Variants in GNAO1 observed in about 807,000 individuals in gnomAD.
GNAO1 encodes the protein G protein subunit alpha o1, also known as guanine nucleotide-binding protein G(o) subunit alpha.
For missense variants in GNAO1, 166 were observed against 478.7 expected, an observed-to-expected ratio of 0.35 and a Z score of 6.10; for synonymous variants, 164 against 180.7, an observed-to-expected ratio of 0.91 and a Z score of 0.74.
intron 2 of GNAO1, chr16:56,235,205 A>AT (rs1182529871): frequency 2.4e-6 from 1 of 409,290 alleles, no homozygotes; most frequent in African/African-American, 2.1e-5. Context: ...GTCTTCTAGC[A>AT]TTTGACTCCC....
chr16:56,221,759 G>A (rs534245504), intron 2 of GNAO1, among the ~76,000 whole-genome samples: 6 of 152,114 alleles, frequency 3.9e-5, no homozygotes, highest in African/African-American at 9.6e-5. Flanking sequence ...CTTGTACCAC[G>A]GGGTACAAGG....
At chr16:56,347,352 C>G (rs565273923) in intron 6 of GNAO1, 3 of 985,526 alleles carry the variant, frequency 3.0e-6, no homozygotes, top group Admixed American at 1.2e-4. Flanking sequence ...GCTGTCAGGC[C>G]GCAAGCCTAG....
At chr16:56,275,270 T>TGGCTC (rs1321496392) in intron 2 of GNAO1, among the ~76,000 whole-genome samples, 1 of 152,254 alleles carries the variant, frequency 6.6e-6, no homozygotes, top group Non-Finnish European at 1.5e-5. Context: ...TGAGCACATG[T>TGGCTC]TGAGTGGCTA....
chr16:56,294,574 A>T lies in GNAO1; in HGVS notation c.303+18502A>T, dbSNP rs1169995711. Reference sequence around the variant, plus strand: ...GACTCTTATGAATAATGCTGCCAGAACATTGATGTACAAGTTTTTGTGGGG... The same window carrying T: ...GACTCTTATGAATAATGCTGCCAGATCATTGATGTACAAGTTTTTGTGGGG... On this transcript the variant is annotated intron_variant, in intron 3 of 8. Transcript: ENST00000262493. Among the ~76,000 whole-genome samples the T allele has an allele frequency of 2.6e-5, 4 of 152,192 alleles. No individual in the cohort carries two copies. The South Asian group carries it at 8.3e-4, about 31-fold the overall frequency.
Position 56,309,274 on chromosome 16 carries a change from A to G in GNAO1, c.304-19357A>G, listed in dbSNP as rs959288899. Reference sequence around the variant, plus strand: ...AGAACAGAGCCCCTGGGCTCCCTGCAACTGTGTCCGGGATATTTGAGGTGA... The same window carrying G: ...AGAACAGAGCCCCTGGGCTCCCTGCGACTGTGTCCGGGATATTTGAGGTGA... On this transcript the variant is annotated intron_variant, in intron 3 of 8. Coordinates refer to ENST00000262493, the MANE Select transcript of GNAO1 (RefSeq NM_020988.3). 6.6e-5 allele frequency among the ~76,000 whole-genome samples: 10 copies of G among 152,190 alleles called. 1 individual carries two copies. The highest frequency in any genetic ancestry group is 1.5e-4 in the Non-Finnish European group (10 of 68,030).
chr16:56,249,723 G>A (rs1289080411), intron 2 of GNAO1, among the ~76,000 whole-genome samples: 1 of 152,188 alleles, frequency 6.6e-6, no homozygotes, highest in African/African-American at 2.4e-5. Context: ...TCTATTCATT[G>A]TGCCTGCCTC....
chr16:56,232,342 C>T (rs2036596822), intron 2 of GNAO1, among the ~76,000 whole-genome samples: 1 of 152,164 alleles, frequency 6.6e-6, no homozygotes, highest in African/African-American at 2.4e-5. Context: ...GAGAGTGGCT[C>T]TAATGAGTCA....
chr16:56,352,996 T>TG (rs2143701860), intron 7 of GNAO1: 1 of 152,552 alleles, frequency 6.6e-6, no homozygotes, highest in African/African-American at 2.4e-5. Flanking sequence ...AGCTGCTTGG[T>TG]GCCAGGTCTA....
intron 2 of GNAO1, among the ~76,000 whole-genome samples, chr16:56,233,263 G>A (rs546942639): frequency 6.6e-6 from 1 of 152,348 alleles, no homozygotes; most frequent in African/African-American, 2.4e-5. Flanking sequence ...TGTGTAGGCA[G>A]TGACTTTGTT....
chr16:56,308,547 G>A (rs2037420340), intron 3 of GNAO1, among the ~76,000 whole-genome samples: 2 of 152,202 alleles, frequency 1.3e-5, no homozygotes, highest in Admixed American at 1.3e-4. Flanking sequence ...AGGTTAGGTA[G>A]GGGTAATCCA....
At chr16:56,271,358 G>A (rs1182798998) in intron 2 of GNAO1, among the ~76,000 whole-genome samples, 3 of 152,236 alleles carry the variant, frequency 2.0e-5, no homozygotes, top group Non-Finnish European at 4.4e-5. Flanking sequence ...AGCACAGAGG[G>A]TAAACCCTCA....
chr16:56,313,786 G>C (rs1265368939), intron 3 of GNAO1, among the ~76,000 whole-genome samples: 4 of 152,116 alleles, frequency 2.6e-5, no homozygotes, highest in Admixed American at 2.0e-4. Flanking sequence ...GCAGTGGCAC[G>C]ATGACAACTC....
chr16:56,350,866 C>T (rs1428827829), intron 6 of GNAO1, among the ~76,000 whole-genome samples: 5 of 152,158 alleles, frequency 3.3e-5, no homozygotes, highest in Admixed American at 6.5e-5. Flanking sequence ...CCCAGCTCTC[C>T]GGCTCCGGTC....
At chr16:56,216,860 A>G (rs566615523) in intron 2 of GNAO1, among the ~76,000 whole-genome samples, 48 of 152,356 alleles carry the variant, frequency 3.2e-4, no homozygotes, top group African/African-American at 1.2e-3. Context: ...ACCTCAGCCA[A>G]GTGCTTATCC....
intron 2 of GNAO1, chr16:56,270,244 ACAGT>A: frequency 1.3e-5 from 2 of 152,364 alleles, no homozygotes; most frequent in Middle Eastern, 6.8e-3. Flanking sequence ...CAAACACTCC[ACAGT>A]CAGTCCTTGG....
Position 56,340,118 on chromosome 16 carries a change from TTC to T in GNAO1, c.723+3264_723+3265del, listed in dbSNP as rs559283338. 1.1e-3 allele frequency among the ~76,000 whole-genome samples: 167 copies of T among 152,288 alleles called. 2 individuals are homozygous for T. The highest frequency in any genetic ancestry group is 1.7e-3 in the Non-Finnish European group (117 of 68,008). ...TGGTTGAACCAATTTTTCAGTATTT[TTC>T]TCTCTTTCTCTTGTTGGGTTTTTAT... On this transcript the variant is annotated intron_variant, in intron 6 of 8. Coordinates refer to ENST00000262493, the MANE Select transcript of GNAO1 (RefSeq NM_020988.3).
At chr16:56,315,791 C>G (rs564571296) in intron 3 of GNAO1, among the ~76,000 whole-genome samples, 13 of 152,204 alleles carry the variant, frequency 8.5e-5, no homozygotes, top group African/African-American at 3.1e-4. Flanking sequence ...CACCTGTAAT[C>G]CCAGCACTTT....
intron 2 of GNAO1, among the ~76,000 whole-genome samples, chr16:56,274,428 T>C (rs574133427): frequency 1.3e-5 from 2 of 152,312 alleles, no homozygotes; most frequent in South Asian, 4.1e-4. Context: ...AGAAAGTTAA[T>C]AGGGTCATTC....
At chr16:56,238,089 G>A (rs1485532173) in intron 2 of GNAO1, among the ~76,000 whole-genome samples, 5 of 152,108 alleles carry the variant, frequency 3.3e-5, no homozygotes, top group Non-Finnish European at 7.4e-5. Flanking sequence ...TCCATCATGG[G>A]TCCCATCACA....
Sources: gnomAD v4.1 joint callset for allele counts (sites outside exome capture counted in the v4.1 genomes callset) on GRCh38, gnomAD v4.1.1 for gene constraint, MANE v1.5 for transcripts, NCBI Gene and HGNC (gene_info 2026-07-23, HGNC 2026-07-21) for gene names.